ACTN2: variants seen among roughly 807,000 people sequenced by gnomAD.
ACTN2 encodes the protein actinin alpha 2, also known as alpha-actinin-2.
A neutral mutation model predicts 113.8 loss-of-function variants in ACTN2; 39 were observed. The observed-to-expected ratio is 0.34, with a 90% CI of 0.27 to 0.45. The LOEUF is 0.45. Among genes scored for constraint, ACTN2 ranks in the 20% least tolerant of loss-of-function variants. The pLI, the probability that ACTN2 is intolerant of heterozygous loss-of-function variation, is 1.00. For missense variants in ACTN2, 992 were observed against 1,177.9 expected (o/e 0.84, Z 2.31); for synonymous variants, 429 against 444.1 (o/e 0.97, Z 0.43).
At chr1:236,700,787 A>G (rs1261957283) in intron 1 of ACTN2, among the ~76,000 whole-genome samples, 1 of 152,202 alleles carries the variant, frequency 6.6e-6, no homozygotes, top group Non-Finnish European at 1.5e-5. Context: ...GGTTATTTTT[A>G]GGGGCCGTCT....
chr1:236,761,083 A>G lies in ACTN2; in HGVS notation c.2436A>G (p.Gln812=), dbSNP rs146445537. The G allele has an allele frequency of 2.2e-5, 35 of 1,613,964 alleles. No individual in the cohort carries two copies. In the South Asian group the frequency reaches 2.9e-4, roughly 13 times the overall value. ...ACGGGCAAGGCACCGTCACCTTCCA[A>G]TCCTTCATCGACTTCATGACTAGAG... ...DPNGQGTVTF[Q]SFIDFMTRET... The change falls in exon 20 of 21, where the codon CAA becomes CAG. Residue 812 remains glutamine, a synonymous_variant. Coordinates refer to ENST00000366578, the MANE Select transcript of ACTN2 (RefSeq NM_001103.4).
Position 236,703,561 on chromosome 1 carries a change from A to G in ACTN2, c.127-14297A>G, listed in dbSNP as rs138267616. Among the ~76,000 whole-genome samples the G allele has an allele frequency of 3.1e-3, 458 of 149,818 alleles. 2 individuals are homozygous for G. Among genetic ancestry groups the G allele is most frequent in the African/African-American group, 0.011 (434 of 40,590 alleles). ...CTAAAATAGTTTGGGAAGAATCTTC[A>G]TATTTCTAGTCTTAACTCTTGAATT... On this transcript the variant is annotated intron_variant, in intron 1 of 20. Coordinates refer to ENST00000366578, the MANE Select transcript of ACTN2 (RefSeq NM_001103.4).
intron 1 of ACTN2, among the ~76,000 whole-genome samples, chr1:236,699,421 G>A (rs1270968515): frequency 6.6e-6 from 1 of 152,202 alleles, no homozygotes; most frequent in East Asian, 1.9e-4. Context: ...ACCAAAGTGG[G>A]AGGGAAGGGG....
chr1:236,697,376 A>G (rs1234958536), intron 1 of ACTN2, among the ~76,000 whole-genome samples: 2 of 152,206 alleles, frequency 1.3e-5, no homozygotes, highest in African/African-American at 4.8e-5. Flanking sequence ...AATGGATAAA[A>G]GAGAAAAGTC....
chr1:236,749,757 C>T (rs1302111116), intron 14 of ACTN2, among the ~76,000 whole-genome samples: 7 of 152,228 alleles, frequency 4.6e-5, no homozygotes, highest in East Asian at 3.9e-4. Flanking sequence ...GCCAAGATCA[C>T]GCCATTGGAC....
chr1:236,749,252 T>C lies in ACTN2; in HGVS notation c.1644T>C (p.Ile548=). 6.2e-7 allele frequency: 1 copy of C among 1,614,170 alleles called. No homozygotes were observed. Among genetic ancestry groups the C allele is most frequent in the South Asian group, 1.1e-5 (1 of 91,086 alleles). ...DLQDMFIVHS[I]EEIQSLITAH... is the part of the protein sequence containing the mutation. ...AAGATATGTTCATTGTCCACAGCAT[T>C]GAGGAGATCCAGGTAATGGAACCGC... The change falls in exon 14 of 21, where the codon ATT becomes ATC. Residue 548 remains isoleucine, a synonymous_variant. Coordinates refer to ENST00000366578, the MANE Select transcript of ACTN2 (RefSeq NM_001103.4).
At chr1:236,744,433 G>A (rs1659163498) in intron 11 of ACTN2, among the ~76,000 whole-genome samples, 193 bp from the exon 12 acceptor site, 1 of 152,172 alleles carries the variant, frequency 6.6e-6, no homozygotes, top group Admixed American at 6.5e-5. Context: ...TCAAAACTGA[G>A]AAGGGGCTGG....
At chr1:236,692,031 C>A (rs566049817) in intron 1 of ACTN2, among the ~76,000 whole-genome samples, 5 of 152,220 alleles carry the variant, frequency 3.3e-5, no homozygotes, top group Non-Finnish European at 7.3e-5. Context: ...GCTGGGAAGA[C>A]CCATGCTTAC....
chr1:236,752,303 T>C (rs1659418503), intron 15 of ACTN2, among the ~76,000 whole-genome samples: 1 of 152,130 alleles, frequency 6.6e-6, no homozygotes, highest in Non-Finnish European at 1.5e-5. Flanking sequence ...GGGTCTGAAG[T>C]GGCTTTTACT....
At chr1:236,759,998 C>A (rs1443223841) in intron 19 of ACTN2, among the ~76,000 whole-genome samples, 1 of 152,192 alleles carries the variant, frequency 6.6e-6, no homozygotes. Context: ...GTAATCCCAG[C>A]ACTTTGGGAG....
intron 1 of ACTN2, among the ~76,000 whole-genome samples, chr1:236,696,171 G>A (rs979713478): frequency 2.0e-5 from 3 of 152,012 alleles, no homozygotes; most frequent in Admixed American, 1.3e-4. Flanking sequence ...GCCAGGTGTG[G>A]TGGTATGCGC....
chr1:236,726,055 A>C, intron 5 of ACTN2, 35 bp downstream of exon 5: 25 of 1,570,324 alleles, frequency 1.6e-5, no homozygotes, highest in African/African-American at 2.7e-5. Context: ...TTGTATTCTC[A>C]GTGGAATCTG....
chr1:236,712,748 G>C (rs1260794754), intron 1 of ACTN2, among the ~76,000 whole-genome samples: 1 of 152,174 alleles, frequency 6.6e-6, no homozygotes, highest in Non-Finnish European at 1.5e-5. Flanking sequence ...TTCATGAGCA[G>C]CTTTTAGGGA....
chr1:236,722,518 C>T (rs982391251), intron 4 of ACTN2, among the ~76,000 whole-genome samples: 4 of 151,136 alleles, frequency 2.6e-5, no homozygotes, highest in African/African-American at 9.7e-5. Flanking sequence ...GCCTGTAATC[C>T]CAGCTACTCA....
rs138902745 is a variant in ACTN2 at position 236,726,815 on chromosome 1, T to C, written c.536+795T>C. The stretch of plus-strand genomic sequence containing the variant: ...GGGGAAGAGAATCCTTCTTTGTCCC[T>C]ACACCATGCTGTTTGGCAGATGAGA... On this transcript the variant is annotated intron_variant, in intron 5 of 20. Transcript: ENST00000366578. 1.7e-3 allele frequency among the ~76,000 whole-genome samples: 259 copies of C among 152,360 alleles called. 4 individuals carry two copies. The East Asian group carries it at 0.045, about 27-fold the overall frequency.
intron 7 of ACTN2, among the ~76,000 whole-genome samples, chr1:236,732,438 A>C (rs576304836): frequency 6.7e-6 from 1 of 150,274 alleles, no homozygotes; most frequent in African/African-American, 2.5e-5. Context: ...TTTATTTTTT[A>C]TTTTTTATTT....
intron 1 of ACTN2, among the ~76,000 whole-genome samples, chr1:236,688,482 A>G (rs1350333290): frequency 1.3e-5 from 2 of 151,984 alleles, no homozygotes; most frequent in African/African-American, 4.8e-5. Flanking sequence ...ACTTATTTGC[A>G]GTATTTTTGG....
intron 18 of ACTN2, 52 bp downstream of exon 18, chr1:236,757,684 A>T (rs376216315): frequency 1.9e-6 from 3 of 1,604,664 alleles, no homozygotes; most frequent in Non-Finnish European, 2.6e-6. Context: ...TAAACAATGT[A>T]TCTGAAATAA....
chr1:236,709,327 C>CGT (rs1180233619), intron 1 of ACTN2, among the ~76,000 whole-genome samples: 3 of 126,534 alleles, frequency 2.4e-5, no homozygotes, highest in Non-Finnish European at 4.8e-5. Flanking sequence ...TATATATATA[C>CGT]ATGTATATAT....
Sources: gnomAD v4.1 joint callset for allele counts (sites outside exome capture counted in the v4.1 genomes callset) on GRCh38, gnomAD v4.1.1 for gene constraint, MANE v1.5 for transcripts, NCBI Gene and HGNC (gene_info 2026-07-23, HGNC 2026-07-21) for gene names.